The following CADM2 variants were observed in gnomAD, a reference collection of about 807,000 sequenced individuals.
CADM2 encodes immunoglobulin superfamily member 4D.
CADM2 carries 12 observed loss-of-function variants against 49.8 expected under a neutral mutation model. That is an observed-to-expected ratio of 0.24 (90% confidence interval 0.15 to 0.39). CADM2 has a LOEUF of 0.39. Among genes scored for constraint, CADM2 ranks in the 10% least tolerant of loss-of-function variants. The pLI, the probability that CADM2 is intolerant of heterozygous loss-of-function variation, is 1.00. For synonymous variants in CADM2, 214 were observed against 175.4 expected (o/e 1.22, Z -1.74); for missense variants, 378 against 492.3 (o/e 0.77, Z 2.20).
At chr3:85,906,086 C>A (rs933493764) in intron 5 of CADM2, among the ~76,000 whole-genome samples, 1 of 152,040 alleles carries the variant, frequency 6.6e-6, no homozygotes, top group African/African-American at 2.4e-5. Flanking sequence ...TGCTCAAATG[C>A]GTAGATATTT....
At chr3:85,507,489 T>C (rs1406328552) in intron 1 of CADM2, among the ~76,000 whole-genome samples, 1 of 152,132 alleles carries the variant, frequency 6.6e-6, no homozygotes, top group African/African-American at 2.4e-5. Context: ...ATGCCCGGCC[T>C]TTTTAAACGA....
chr3:85,088,561 G>C (rs1365171764), intron 1 of CADM2, among the ~76,000 whole-genome samples: 2 of 151,968 alleles, frequency 1.3e-5, no homozygotes. Context: ...CAGAATAACT[G>C]GTTCTAATTA....
chr3:85,359,674 T>A (rs1315990163), intron 1 of CADM2, among the ~76,000 whole-genome samples: 9 of 34,420 alleles, frequency 2.6e-4, no homozygotes, highest in South Asian at 8.7e-4. Context: ...ATATTTTTTT[T>A]TTTGGTGGAG....
Position 86,074,055 on chromosome 3 carries a change from T to A in CADM2, c.*7272T>A, listed in dbSNP as rs1207605195. 6.6e-6 allele frequency: 1 copy of A among 152,008 alleles called. No homozygotes were observed. The highest frequency in any genetic ancestry group is 1.5e-5 in the Non-Finnish European group (1 of 67,884). The allele number at this position is 152,008 out of a possible 1,614,324, so 9.4% of individuals were successfully genotyped here. A position where few individuals can be genotyped will look rare whatever the true frequency, so the allele number is the denominator to read the frequency against. On this transcript the variant is annotated 3_prime_UTR_variant, in exon 10 of 10. Coordinates refer to ENST00000383699, the MANE Select transcript of CADM2 (RefSeq NM_001167675.2). ...CCAAAATTTTAAAACTCTGTAAAGGTAATTTTACATTCACTTATGTGTGTT... is the reference window on the plus strand; with the variant it reads ...CCAAAATTTTAAAACTCTGTAAAGGAAATTTTACATTCACTTATGTGTGTT...
chr3:85,483,097 G>A (rs1445605522), intron 1 of CADM2, among the ~76,000 whole-genome samples: 1 of 151,014 alleles, frequency 6.6e-6, no homozygotes, highest in Non-Finnish European at 1.5e-5. Flanking sequence ...GTATAGTATG[G>A]GTTTTTTGAG....
At chr3:85,641,942 A>T (rs1448212519) in intron 1 of CADM2, among the ~76,000 whole-genome samples, 1 of 152,062 alleles carries the variant, frequency 6.6e-6, no homozygotes, top group East Asian at 1.9e-4. Flanking sequence ...AAAAAAATTA[A>T]AAAAAAGAAA....
At chr3:85,545,193 C>T (rs1247754299) in intron 1 of CADM2, among the ~76,000 whole-genome samples, 5 of 152,144 alleles carry the variant, frequency 3.3e-5, no homozygotes, top group African/African-American at 7.2e-5. Flanking sequence ...AGCATGGCAT[C>T]GTTGGTTCCT....
chr3:85,778,747 A>C (rs1050047936), intron 2 of CADM2, among the ~76,000 whole-genome samples: 1 of 152,066 alleles, frequency 6.6e-6, no homozygotes, highest in African/African-American at 2.4e-5. Context: ...GAGGTCACAC[A>C]CCTCCTCCTG....
intron 2 of CADM2, among the ~76,000 whole-genome samples, chr3:85,760,671 A>T (rs2069330902): frequency 6.6e-6 from 1 of 152,176 alleles, no homozygotes; most frequent in Admixed American, 6.5e-5. Flanking sequence ...AAGGTAGCTG[A>T]TAAGTTTTAT....
At chr3:86,048,562 C>T (rs996855215) in intron 8 of CADM2, among the ~76,000 whole-genome samples, 7 of 151,930 alleles carry the variant, frequency 4.6e-5, no homozygotes, top group African/African-American at 1.7e-4. Context: ...AAATTAAATC[C>T]TATTAAAATT....
chr3:85,348,868 A>G (rs371045131), intron 1 of CADM2, among the ~76,000 whole-genome samples: 2 of 152,292 alleles, frequency 1.3e-5, no homozygotes. Context: ...TATAATAATC[A>G]TATATTCAGA....
At chr3:85,769,792 G>T (rs1293978412) in intron 2 of CADM2, among the ~76,000 whole-genome samples, 1 of 150,620 alleles carries the variant, frequency 6.6e-6, no homozygotes, top group Non-Finnish European at 1.5e-5. Context: ...GCGTGATTTT[G>T]ACCTATAAGT....
intron 1 of CADM2, among the ~76,000 whole-genome samples, chr3:85,465,810 G>T (rs2038466165): frequency 6.6e-6 from 1 of 152,164 alleles, no homozygotes. Flanking sequence ...CAGTGACTTA[G>T]TGTAATACAT....
chr3:85,128,594 G>T (rs1172563179), intron 1 of CADM2, among the ~76,000 whole-genome samples: 2 of 152,130 alleles, frequency 1.3e-5, no homozygotes, highest in African/African-American at 4.8e-5. Flanking sequence ...CAAGTCAGAA[G>T]GTGGAAGGCA....
intron 1 of CADM2, among the ~76,000 whole-genome samples, chr3:85,273,524 C>T (rs1250410388): frequency 6.6e-6 from 1 of 151,096 alleles, no homozygotes; most frequent in Non-Finnish European, 1.5e-5. Context: ...GAATATGCTG[C>T]AATAGGATTT....
At chr3:85,639,130 A>G (rs918357815) in intron 1 of CADM2, among the ~76,000 whole-genome samples, 2 of 152,220 alleles carry the variant, frequency 1.3e-5, no homozygotes, top group Non-Finnish European at 2.9e-5. Context: ...ACATTATTTT[A>G]AATTTATTAA....
At chr3:85,590,200 GA>G (rs1216757817) in intron 1 of CADM2, among the ~76,000 whole-genome samples, 1 of 151,926 alleles carries the variant, frequency 6.6e-6, no homozygotes, top group Non-Finnish European at 1.5e-5. Context: ...CAGAAAAATA[GA>G]AAATCATCTA....
intron 3 of CADM2, among the ~76,000 whole-genome samples, chr3:85,861,287 T>C (rs989857789): frequency 2.0e-5 from 3 of 152,184 alleles, no homozygotes; most frequent in Non-Finnish European, 2.9e-5. Context: ...CAATTACATA[T>C]CAGGAATTTG....
chr3:86,010,777 T>C (rs1218997391), intron 8 of CADM2, among the ~76,000 whole-genome samples: 1 of 151,564 alleles, frequency 6.6e-6, no homozygotes. Context: ...TCAATAGCTC[T>C]AGAATCACTA....
Sources: gnomAD v4.1 joint callset for allele counts (sites outside exome capture counted in the v4.1 genomes callset) on GRCh38, gnomAD v4.1.1 for gene constraint, MANE v1.5 for transcripts, NCBI Gene and HGNC (gene_info 2026-07-23, HGNC 2026-07-21) for gene names.